The following LRIG1 variants were observed in gnomAD, a reference collection of about 807,000 sequenced individuals.
LRIG1 encodes the protein leucine-rich repeats and immunoglobulin-like domains protein 1.
In LRIG1, 48 loss-of-function variants were observed where a neutral mutation model predicts 99.2. That is an observed-to-expected ratio of 0.48 (90% CI 0.38 to 0.62). LRIG1 has a LOEUF of 0.62. LRIG1 is among the 20% of genes least tolerant of loss of function. The pLI, the probability that LRIG1 is intolerant of heterozygous loss-of-function variation, is 0.00. For missense variants in LRIG1, 1,646 were observed against 1,434.4 expected (o/e 1.15, Z -2.38); for synonymous variants, 772 against 596.1 (o/e 1.29, Z -4.30).
rs1575655615 is a variant in LRIG1, at chr3:66,394,192, C to G, written c.1316G>C (p.Ser439Thr). 2 of 1,593,520 alleles carry G rather than the reference C, an allele frequency of 1.3e-6. No homozygotes were observed. The highest frequency in any genetic ancestry group is 1.7e-6 in the Non-Finnish European group (2 of 1,171,022). Residue 439 changes from serine (S) to threonine (T), a missense_variant, in exon 12 of 19, where the codon AGC (serine) becomes ACC (threonine). By Grantham distance (58) the Ser-to-Thr change is moderately conservative. Transcript: ENST00000273261. ...MKNLKELHIS[S>T]DSFLCDCQLK... Reference sequence around the variant, plus strand: ...CTGGCAGTCACACAGGAAGCTGTCGCTGCTGATATGGCTGAAAGAAACACA... The same window carrying G: ...CTGGCAGTCACACAGGAAGCTGTCGGTGCTGATATGGCTGAAAGAAACACA...
chr3:66,406,153 C>A (rs1035171213), intron 8 of LRIG1: 3 of 985,512 alleles, frequency 3.0e-6, no homozygotes, highest in Non-Finnish European at 3.6e-6. Context: ...GAGGGCAGCT[C>A]TGACTGAAGA....
chr3:66,471,011 T>C (rs1434803509), intron 1 of LRIG1, among the ~76,000 whole-genome samples: 1 of 152,162 alleles, frequency 6.6e-6, no homozygotes, highest in Non-Finnish European at 1.5e-5. Context: ...TTAATTTAAT[T>C]AAGAAGAGGC....
intron 1 of LRIG1, chr3:66,498,313 T>A (rs1005472288): frequency 6.6e-6 from 1 of 152,162 alleles, no homozygotes; most frequent in African/African-American, 2.4e-5. Context: ...ATGTGAAATG[T>A]CACTCCTAGG....
intron 1 of LRIG1, among the ~76,000 whole-genome samples, chr3:66,475,380 C>A (rs776419472): frequency 6.6e-6 from 1 of 152,078 alleles, no homozygotes. Flanking sequence ...ATATAGGGAA[C>A]CAAACAAAAG....
rs1053096317 is a variant in LRIG1, at chr3:66,463,842, T to C, written c.219-1333A>G. Among the ~76,000 whole-genome samples the C allele has an allele frequency of 2.6e-5, 4 of 152,218 alleles. No homozygotes were observed. The South Asian group carries it at 8.3e-4, about 32-fold the overall frequency. ...AACCTAGAGCTGAGAGCCATTTCAC[T>C]GTGAGCTCAGAGACGTTCATCTAAA... On this transcript the variant is annotated intron_variant, in intron 1 of 18. Transcript: ENST00000273261.
At chr3:66,420,096 C>G (rs895922199) in intron 3 of LRIG1, among the ~76,000 whole-genome samples, 5 of 152,090 alleles carry the variant, frequency 3.3e-5, no homozygotes, top group Non-Finnish European at 7.4e-5. Context: ...ACCTCTACAA[C>G]AACAACAAAA....
chr3:66,423,159 GA>G (rs1020413376), intron 3 of LRIG1, among the ~76,000 whole-genome samples: 6 of 152,108 alleles, frequency 3.9e-5, no homozygotes, highest in Non-Finnish European at 8.8e-5. Flanking sequence ...TTGCAAGATG[GA>G]AAAAAGTTCT....
In LRIG1 at chr3:66,385,371, A is replaced by T. The variant is rs1701322361; in HGVS notation, c.1789+610T>A. On this transcript the variant is annotated intron_variant, in intron 13 of 18. Transcript: ENST00000273261. ...TTCCCCAGGCTAAGGGGTATTTGGA[A>T]TTTGGAAGCCAGATCTCTTGGCTTA... Among the ~76,000 whole-genome samples the T allele has an allele frequency of 2.6e-5, 4 of 152,334 alleles. No individual in the cohort carries two copies. The South Asian group carries it at 6.2e-4, about 24-fold the overall frequency.
chr3:66,421,124 T>C (rs543916311), intron 3 of LRIG1, among the ~76,000 whole-genome samples: 73 of 152,220 alleles, frequency 4.8e-4, no homozygotes, highest in South Asian at 2.7e-3. Context: ...CTATGACACA[T>C]AGGAATTGTG....
intron 9 of LRIG1, among the ~76,000 whole-genome samples, chr3:66,399,327 G>A (rs1701972197): frequency 6.6e-6 from 1 of 152,236 alleles, no homozygotes; most frequent in Non-Finnish European, 1.5e-5. Flanking sequence ...CCCTCCCAGT[G>A]TTAGGCAGAA....
At chr3:66,382,511 GT>G in intron 15 of LRIG1, 113 bp from the exon 16 acceptor site, 1 of 1,235,608 alleles carries the variant, frequency 8.1e-7, no homozygotes, top group Non-Finnish European at 1.2e-6. Flanking sequence ...CATCAGCGCT[GT>G]GCAGAGAGAT....
At chr3:66,462,251 C>T (rs946220159) in intron 2 of LRIG1, among the ~76,000 whole-genome samples, 187 bp downstream of exon 2, 1 of 152,144 alleles carries the variant, frequency 6.6e-6, no homozygotes, top group African/African-American at 2.4e-5. Context: ...GTAACACACC[C>T]TTCAAGAGCC....
At position 66,494,443 on chromosome 3, in the gene LRIG1, C is replaced by A. The variant is rs907599587; in HGVS notation, c.218+5747G>T. On this transcript the variant is annotated intron_variant, in intron 1 of 18. Coordinates refer to ENST00000273261, the MANE Select transcript of LRIG1 (RefSeq NM_015541.3). ...GCCCATTCTCTCCCCCAGTCAATAACCCAAATGGAGACCAGGAGACAGCTG... is the reference window on the plus strand; with the variant it reads ...GCCCATTCTCTCCCCCAGTCAATAAACCAAATGGAGACCAGGAGACAGCTG... 4.6e-5 allele frequency among the ~76,000 whole-genome samples: 7 copies of A among 152,138 alleles called. No homozygotes were observed. The East Asian group carries it at 7.7e-4, about 17-fold the overall frequency.
intron 1 of LRIG1, among the ~76,000 whole-genome samples, chr3:66,482,224 T>A (rs1055379971): frequency 2.6e-5 from 4 of 152,168 alleles, no homozygotes; most frequent in Non-Finnish European, 4.4e-5. Context: ...TGGTTCAGAG[T>A]CAAAACATGT....
At chr3:66,423,712 A>C (rs1559792310) in intron 3 of LRIG1, among the ~76,000 whole-genome samples, 1 of 152,218 alleles carries the variant, frequency 6.6e-6, no homozygotes. Flanking sequence ...GCTGTGGAAC[A>C]TGGCACAGCA....
Position 66,415,035 on chromosome 3 carries a change from G to C in LRIG1, c.532C>G (p.Leu178Val), listed in dbSNP as rs766102807. ...LNLAGNRIGT[L>V]ELGAFDGLSR... The stretch of plus-strand genomic sequence containing the variant: ...AGACCATCAAATGCTCCCAACTCCA[G>C]GGTGCCAATCCGATTGCCTGCCAGG... Residue 178 changes from leucine to valine, a missense_variant, in exon 5 of 19, where the codon CTG becomes GTG. Leu to Val is a conservative substitution (Grantham distance 32). Transcript: ENST00000273261. The C allele has an allele frequency of 6.2e-7, 1 of 1,609,264 alleles. No homozygotes were observed.
intron 3 of LRIG1, among the ~76,000 whole-genome samples, chr3:66,425,526 ATTG>A (rs1702951339): frequency 6.7e-6 from 1 of 148,408 alleles, no homozygotes; most frequent in African/African-American, 2.4e-5. Context: ...GAGTATCTTT[ATTG>A]TTAGGGAAGG....
intron 1 of LRIG1, among the ~76,000 whole-genome samples, chr3:66,491,547 G>A (rs1489294185): frequency 6.6e-6 from 1 of 152,064 alleles, no homozygotes; most frequent in Non-Finnish European, 1.5e-5. Flanking sequence ...TAAATATATA[G>A]CTTACCAAAA....
intron 9 of LRIG1, among the ~76,000 whole-genome samples, chr3:66,401,059 C>T (rs58381932): frequency 0.048 from 7,243 of 152,274 alleles, 563 homozygotes; most frequent in African/African-American, 0.17. Flanking sequence ...CAGACAAAGC[C>T]AGCTCTGTTT....
Sources: gnomAD v4.1 joint callset for allele counts (sites outside exome capture counted in the v4.1 genomes callset) on GRCh38, gnomAD v4.1.1 for gene constraint, MANE v1.5 for transcripts, NCBI Gene and HGNC (gene_info 2026-07-23, HGNC 2026-07-21) for gene names.